Variants in KAZN observed in about 807,000 individuals in gnomAD.
The protein encoded by KAZN is kazrin, periplakin interacting protein.
Under a neutral mutation model 87.4 loss-of-function variants are expected in KAZN, and 40 were observed. That is an observed-to-expected ratio of 0.46 (90% CI 0.36 to 0.60). The LOEUF (loss-of-function observed/expected upper bound fraction) is 0.60, where lower values mean the gene tolerates loss of function less well. KAZN is among the 20% of genes least tolerant of loss of function. The pLI is 0.00. For synonymous variants in KAZN, 466 were observed against 458.3 expected (o/e 1.02, Z -0.22); for missense variants, 898 against 1,073.9 (o/e 0.84, Z 2.29).
chr1:15,116,377 T>G lies in KAZN; in HGVS notation c.*1742T>G, dbSNP rs1641844677. 1 of 152,206 alleles carries G rather than the reference T, an allele frequency of 6.6e-6. No homozygotes were observed. Among genetic ancestry groups the G allele is most frequent in the Non-Finnish European group, 1.5e-5 (1 of 68,042 alleles). The allele number at this position is 152,206 out of a possible 1,614,324, so 9.4% of individuals were successfully genotyped here. ...CCGAAGACCGTGGTGTTCCCCCTAA[T>G]GACATAAACGCAGCCTTTCTTGCTG... On this transcript the variant is annotated 3_prime_UTR_variant, in exon 15 of 15. Coordinates refer to ENST00000376030, the MANE Select transcript of KAZN (RefSeq NM_201628.3).
intron 1 of KAZN, among the ~76,000 whole-genome samples, chr1:14,718,256 C>A (rs1050661616): frequency 2.0e-5 from 3 of 152,226 alleles, no homozygotes; most frequent in Non-Finnish European, 4.4e-5. Context: ...GCCCATCTCC[C>A]TGGTTTATGT....
chr1:14,923,172 G>A lies in KAZN; in HGVS notation c.227-37512G>A, dbSNP rs560472930. ...TGCTGCCTACAAGGGGAGGCTGGGG[G>A]CTCCATGAGTGTGTGACTGACTCCT... On this transcript the variant is annotated intron_variant, in intron 1 of 14. Coordinates refer to ENST00000376030, the MANE Select transcript of KAZN (RefSeq NM_201628.3). The surrounding 1 kb of genome is among the most constrained non-coding windows in gnomAD (Gnocchi z 4.2). Among the ~76,000 whole-genome samples the A allele has an allele frequency of 2.6e-5, 4 of 152,292 alleles. No individual in the cohort carries two copies. In the South Asian group the frequency reaches 6.2e-4, roughly 24 times the overall value.
At chr1:13,989,274 A>C (rs1442353048) in intron 1 of KAZN, among the ~76,000 whole-genome samples, 1 of 152,028 alleles carries the variant, frequency 6.6e-6, no homozygotes, top group African/African-American at 2.4e-5. Context: ...TTAAATCATA[A>C]AACTTTGGGT....
At chr1:13,940,400 T>A (rs1339681447) in intron 1 of KAZN, among the ~76,000 whole-genome samples, 1 of 152,224 alleles carries the variant, frequency 6.6e-6, no homozygotes, top group African/African-American at 2.4e-5. Context: ...TATGCATTTC[T>A]TCTAGGTTTT....
intron 1 of KAZN, among the ~76,000 whole-genome samples, chr1:13,923,377 T>A (rs1426240717): frequency 1.3e-5 from 2 of 151,798 alleles, no homozygotes; most frequent in African/African-American, 4.8e-5. Context: ...ATTGAGACCA[T>A]CCTGGCTAAC....
intron 1 of KAZN, among the ~76,000 whole-genome samples, chr1:14,905,641 C>T (rs1324229867): frequency 3.9e-5 from 6 of 151,936 alleles, no homozygotes; most frequent in African/African-American, 7.3e-5. Flanking sequence ...GTCAGGAGAT[C>T]GAGACCATCC....
chr1:14,463,936 G>C (rs12119122), intron 2 of KAZN, among the ~76,000 whole-genome samples: 17,340 of 152,180 alleles, frequency 0.11, 1,119 homozygotes, highest in Middle Eastern at 0.21. Flanking sequence ...GTTAATTCTG[G>C]GAAGTTTCAT....
chr1:15,052,318 A>C (rs752448909), intron 4 of KAZN, among the ~76,000 whole-genome samples: 10 of 152,190 alleles, frequency 6.6e-5, no homozygotes, highest in Admixed American at 1.3e-4. Flanking sequence ...CACGTCTTAC[A>C]TGGTGGCAGG....
At chr1:14,877,943 G>C (rs887096629) in intron 1 of KAZN, among the ~76,000 whole-genome samples, 1 of 152,128 alleles carries the variant, frequency 6.6e-6, no homozygotes, top group African/African-American at 2.4e-5. Flanking sequence ...CGGCACATTG[G>C]GAGAGACAGA....
At chr1:14,916,845 T>C (rs1657869500) in intron 1 of KAZN, among the ~76,000 whole-genome samples, 1 of 151,950 alleles carries the variant, frequency 6.6e-6, no homozygotes, top group Non-Finnish European at 1.5e-5. Context: ...GCCCAGGAGT[T>C]TGAGGCTGCA....
At chr1:14,304,293 ACTTTT>A (rs2100789815) in intron 2 of KAZN, among the ~76,000 whole-genome samples, 1 of 152,324 alleles carries the variant, frequency 6.6e-6, no homozygotes, top group South Asian at 2.1e-4. Flanking sequence ...TCCAAAGGAC[ACTTTT>A]CTTTGAGATT....
At position 14,722,788 on chromosome 1, in the gene KAZN, C is replaced by G. The variant is rs10927519; in HGVS notation, c.226+123565C>G. 4.2e-3 allele frequency among the ~76,000 whole-genome samples: 645 copies of G among 152,232 alleles called. 9 individuals carry two copies. The highest frequency in any genetic ancestry group is 0.015 in the African/African-American group (619 of 41,556). On this transcript the variant is annotated intron_variant, in intron 1 of 14. Transcript: ENST00000376030. ...CACACCTAGATTCCCTTCCCCAGCC[C>G]CTGTTCCTACGTGAGTTTGAAGCAA...
chr1:14,194,210 G>A (rs1036441822), intron 2 of KAZN, among the ~76,000 whole-genome samples: 3 of 152,212 alleles, frequency 2.0e-5, no homozygotes, highest in Admixed American at 2.0e-4. Flanking sequence ...GACGCATGGG[G>A]GCAAACAAGC....
At chr1:13,903,524 G>A (rs1415865491) in intron 1 of KAZN, among the ~76,000 whole-genome samples, 1 of 152,154 alleles carries the variant, frequency 6.6e-6, no homozygotes, top group Non-Finnish European at 1.5e-5. Context: ...CCCATCGAAG[G>A]ACAAAGACAA....
intron 2 of KAZN, among the ~76,000 whole-genome samples, chr1:14,379,924 C>T (rs1661231381): frequency 6.6e-6 from 1 of 152,090 alleles, no homozygotes; most frequent in Non-Finnish European, 1.5e-5. Flanking sequence ...AGGCGAGACC[C>T]AGTGTTATGC....
rs531157336 is a variant in KAZN at position 15,063,499 on chromosome 1, C to T, written c.1048-73C>T. The T allele has an allele frequency of 1.6e-5, 21 of 1,332,228 alleles. 1 individual carries two copies. The highest frequency in any genetic ancestry group is 2.4e-5 in the South Asian group (2 of 84,930). 82.5% of individuals were successfully genotyped at this position (1,332,228 alleles called of 1,614,324 possible). A position where few individuals can be genotyped will look rare whatever the true frequency, so the allele number is the denominator to read the frequency against. ...CATCCTTCCACGGAAGGCCCCACAC[C>T]GCACGGGCCGCCTCTGCTCTCCTGT... On this transcript the variant is annotated intron_variant, in intron 6 of 14. Coordinates refer to ENST00000376030, the MANE Select transcript of KAZN (RefSeq NM_201628.3).
chr1:14,013,451 C>T (rs1640415456), intron 1 of KAZN, among the ~76,000 whole-genome samples: 1 of 151,956 alleles, frequency 6.6e-6, no homozygotes, highest in Admixed American at 6.6e-5. Flanking sequence ...ATGACAACCC[C>T]CCAGAGGTTT....
At chr1:14,235,013 A>G (rs1178245544) in intron 2 of KAZN, among the ~76,000 whole-genome samples, 1 of 152,204 alleles carries the variant, frequency 6.6e-6, no homozygotes, top group Non-Finnish European at 1.5e-5. Context: ...TTACTGTATG[A>G]CCCAGCAATT....
At chr1:15,045,696 G>C (rs1158344833) in intron 4 of KAZN, among the ~76,000 whole-genome samples, 1 of 152,204 alleles carries the variant, frequency 6.6e-6, no homozygotes, top group Non-Finnish European at 1.5e-5. Flanking sequence ...AATGGCTGGG[G>C]ATGCCTCAGA....
Sources: allele counts gnomAD v4.1 joint callset (sites outside exome capture counted in the v4.1 genomes callset), GRCh38; gene constraint gnomAD v4.1.1; non-coding constraint Gnocchi (gnomAD v3.1); transcripts MANE v1.5; gene names NCBI Gene and HGNC (gene_info 2026-07-23, HGNC 2026-07-21).